Variants in GABRG3 observed in about 807,000 individuals in gnomAD.
The protein encoded by GABRG3 is gamma-aminobutyric acid receptor subunit gamma-3.
Under a neutral mutation model 48.8 loss-of-function variants are expected in GABRG3, and 25 were observed. The ratio of observed to expected loss-of-function variants is 0.51; its 90% CI spans 0.37 to 0.72. The LOEUF (loss-of-function observed/expected upper bound fraction) is 0.72, where lower values mean the gene tolerates loss of function less well. GABRG3 is among the 30% of genes least tolerant of loss of function. The pLI is 0.00. For synonymous variants in GABRG3, 227 were observed against 217.6 expected (o/e 1.04, Z -0.38); for missense variants, 394 against 577.9 (o/e 0.68, Z 3.26).
At chr15:27,035,469 A>C (rs977214386) in intron 3 of GABRG3, among the ~76,000 whole-genome samples, 1 of 152,086 alleles carries the variant, frequency 6.6e-6, no homozygotes, top group Non-Finnish European at 1.5e-5. Context: ...TGGATATTTC[A>C]CAATTGATTT....
intron 9 of GABRG3, among the ~76,000 whole-genome samples, chr15:27,531,767 G>A (rs1022425392): frequency 6.6e-6 from 1 of 152,350 alleles, no homozygotes; most frequent in East Asian, 1.9e-4. Context: ...GAATTGACAA[G>A]TCTATTTGCA....
intron 2 of GABRG3, among the ~76,000 whole-genome samples, chr15:26,981,246 A>C (rs567170497): frequency 6.6e-6 from 1 of 152,342 alleles, no homozygotes; most frequent in Non-Finnish European, 1.5e-5. Flanking sequence ...TTTGTGAATA[A>C]AACTGCTGTG....
chr15:27,149,537 C>G (rs2140395491), intron 3 of GABRG3, among the ~76,000 whole-genome samples: 1 of 152,272 alleles, frequency 6.6e-6, no homozygotes, highest in South Asian at 2.1e-4. Context: ...AAAAAACAAT[C>G]TTGCAGAAGA....
At chr15:27,106,421 T>C (rs1897450478) in intron 3 of GABRG3, among the ~76,000 whole-genome samples, 1 of 151,840 alleles carries the variant, frequency 6.6e-6, no homozygotes, top group African/African-American at 2.4e-5. Flanking sequence ...TTAAAAATAT[T>C]CTGAGCAGTC....
At chr15:27,418,690 A>G (rs946778918) in intron 5 of GABRG3, 2 of 152,262 alleles carry the variant, frequency 1.3e-5, no homozygotes, top group African/African-American at 4.8e-5. Flanking sequence ...GTTGGTAAAC[A>G]TATGAATAAT....
chr15:27,539,264 A>G lies in GABRG3; in HGVS notation c.*6383A>G, dbSNP rs1174315843. On this transcript the variant is annotated 3_prime_UTR_variant, in exon 10 of 10. Transcript: ENST00000615808. Reference sequence around the variant, plus strand: ...GGAAGTCTGAAGCCTCTGGAAGGGCAGGTGGAATCGCTCCTGGCAAGGGCA... The same window carrying G: ...GGAAGTCTGAAGCCTCTGGAAGGGCGGGTGGAATCGCTCCTGGCAAGGGCA... 6.6e-6 allele frequency: 1 copy of G among 152,184 alleles called. No individual in the cohort carries two copies. The highest frequency in any genetic ancestry group is 1.5e-5 in the Non-Finnish European group (1 of 68,036). 9.4% of individuals were successfully genotyped at this position (152,184 alleles called of 1,614,324 possible).
chr15:27,112,978 T>C (rs1043956417), intron 3 of GABRG3, among the ~76,000 whole-genome samples: 2 of 152,196 alleles, frequency 1.3e-5, no homozygotes, highest in South Asian at 4.1e-4. Flanking sequence ...TTGATAATTT[T>C]CTGTAATATA....
chr15:27,151,351 G>A (rs1316269864), intron 3 of GABRG3, among the ~76,000 whole-genome samples: 1 of 114,624 alleles, frequency 8.7e-6, no homozygotes, highest in East Asian at 2.1e-4. Context: ...GCTACCTTTT[G>A]GGACTGTTTT....
chr15:27,493,992 G>A (rs1013332338), intron 6 of GABRG3, among the ~76,000 whole-genome samples: 25 of 151,980 alleles, frequency 1.6e-4, no homozygotes, highest in African/African-American at 6.0e-4. Context: ...TGGTTATTCT[G>A]GTTTTATAAA....
chr15:27,409,004 G>T (rs1437141853), intron 5 of GABRG3, among the ~76,000 whole-genome samples: 1 of 151,878 alleles, frequency 6.6e-6, no homozygotes, highest in African/African-American at 2.4e-5. Flanking sequence ...TACACAATGG[G>T]AATATTTCCA....
At chr15:27,479,689 A>G (rs1209984330) in intron 5 of GABRG3, among the ~76,000 whole-genome samples, 1 of 152,230 alleles carries the variant, frequency 6.6e-6, no homozygotes. Flanking sequence ...GAGCCATGCC[A>G]TCAGTGTCTG....
chr15:27,251,475 G>A (rs1308372018), intron 3 of GABRG3, among the ~76,000 whole-genome samples: 1 of 152,092 alleles, frequency 6.6e-6, no homozygotes, highest in African/African-American at 2.4e-5. Context: ...TTGGACACAC[G>A]TATTTGCATT....
At chr15:27,278,921 T>G (rs1891343774) in intron 3 of GABRG3, among the ~76,000 whole-genome samples, 1 of 152,200 alleles carries the variant, frequency 6.6e-6, no homozygotes, top group African/African-American at 2.4e-5. Context: ...GCTGGATCAT[T>G]TTACATTCCC....
intron 3 of GABRG3, among the ~76,000 whole-genome samples, chr15:27,229,627 C>T (rs949102714): frequency 3.3e-5 from 5 of 152,084 alleles, no homozygotes; most frequent in South Asian, 2.1e-4. Context: ...CAGGGGTGCA[C>T]CACCACGCCC....
chr15:27,501,005 G>A (rs1890614644), intron 6 of GABRG3, among the ~76,000 whole-genome samples: 1 of 146,848 alleles, frequency 6.8e-6, no homozygotes, highest in Admixed American at 6.8e-5. Context: ...AGGCTGGAGT[G>A]CAGTGGCGCG....
At chr15:27,302,728 C>A (rs1595654417) in intron 3 of GABRG3, among the ~76,000 whole-genome samples, 3 of 152,018 alleles carry the variant, frequency 2.0e-5, no homozygotes, top group Middle Eastern at 3.4e-3. Context: ...TATTCTGGGT[C>A]ATAAAACAAA....
chr15:27,201,626 A>G (rs1303745655), intron 3 of GABRG3, among the ~76,000 whole-genome samples: 1 of 152,124 alleles, frequency 6.6e-6, no homozygotes, highest in Non-Finnish European at 1.5e-5. Flanking sequence ...ATTACACAGC[A>G]TCCCTATAGG....
intron 3 of GABRG3, among the ~76,000 whole-genome samples, chr15:27,176,789 A>C (rs1041001363): frequency 3.9e-5 from 6 of 152,150 alleles, no homozygotes; most frequent in African/African-American, 1.4e-4. Context: ...AAAAAGACTT[A>C]GGGCATGCCA....
chr15:27,001,354 G>C (rs1895443333), intron 2 of GABRG3, among the ~76,000 whole-genome samples: 1 of 152,186 alleles, frequency 6.6e-6, no homozygotes, highest in African/African-American at 2.4e-5. Flanking sequence ...GGCCCAGGTG[G>C]GCCAGTGGAG....
Sources: allele counts gnomAD v4.1 joint callset (sites outside exome capture counted in the v4.1 genomes callset), GRCh38; gene constraint gnomAD v4.1.1; transcripts MANE v1.5; gene names NCBI Gene and HGNC (gene_info 2026-07-23, HGNC 2026-07-21).